Variants in ATP11A observed in about 807,000 individuals in gnomAD.
ATP11A encodes phospholipid-transporting ATPase IH.
A neutral mutation model predicts 154.4 loss-of-function variants in ATP11A; 81 were observed. The observed-to-expected ratio is 0.52, with a 90% CI of 0.44 to 0.63. ATP11A has a LOEUF of 0.63. Ranked by LOEUF, ATP11A falls within the 30% of genes least tolerant of loss-of-function variation. The pLI is 0.00. For synonymous variants in ATP11A, 623 were observed against 585.9 expected, an observed-to-expected ratio of 1.06 and a Z score of -0.91; for missense variants, 1,316 against 1,474.3, an observed-to-expected ratio of 0.89 and a Z score of 1.76.
At chr13:112,855,552 A>T (rs970709700) in intron 19 of ATP11A, among the ~76,000 whole-genome samples, 42 of 152,164 alleles carry the variant, frequency 2.8e-4, no homozygotes, top group African/African-American at 1.0e-3. Flanking sequence ...CCAGGCAGAA[A>T]CCCAAGGACT....
chr13:112,874,049 C>CA (rs2080635773), intron 27 of ATP11A, among the ~76,000 whole-genome samples: 1 of 152,324 alleles, frequency 6.6e-6, no homozygotes, highest in Non-Finnish European at 1.5e-5. Flanking sequence ...ACAGCAAGTC[C>CA]CAGCTGGTAA....
At position 112,880,615 on chromosome 13, in the gene ATP11A, C is replaced by T. The variant is rs956439768; in HGVS notation, c.*10-1261C>T. ...CGATGGGCCCCTCCTGAAGGACCTC[C>T]TACGGCGGCCAAGGCGCAGTTAGCT... On this transcript the variant is annotated intron_variant, in intron 29 of 29. Transcript: ENST00000375645. 4.6e-6 allele frequency: 6 copies of T among 1,298,498 alleles called. No homozygotes were observed. The South Asian group carries it at 7.4e-5, about 16-fold the overall frequency. 80.4% of individuals were successfully genotyped at this position (1,298,498 alleles called of 1,614,324 possible).
At chr13:112,721,793 A>G (rs928920085) in intron 1 of ATP11A, among the ~76,000 whole-genome samples, 1 of 152,204 alleles carries the variant, frequency 6.6e-6, no homozygotes. Context: ...GAGTGTTAAG[A>G]AAAAGGCTGT....
intron 4 of ATP11A, among the ~76,000 whole-genome samples, chr13:112,809,620 T>C (rs2078431007): frequency 6.6e-6 from 1 of 152,176 alleles, no homozygotes; most frequent in South Asian, 2.1e-4. Context: ...GTGTTGTGTG[T>C]GGCAGAGCTG....
At chr13:112,832,037 C>T (rs1231902731) in intron 13 of ATP11A, among the ~76,000 whole-genome samples, 1 of 152,170 alleles carries the variant, frequency 6.6e-6, no homozygotes, top group Admixed American at 6.5e-5. Context: ...CACTCTCACA[C>T]ACTCCCTGAC....
At chr13:112,731,202 C>T (rs1443079961) in intron 1 of ATP11A, among the ~76,000 whole-genome samples, 1 of 152,094 alleles carries the variant, frequency 6.6e-6, no homozygotes, top group African/African-American at 2.4e-5. Context: ...CCAAAATGCT[C>T]CAGTGATCCG....
At chr13:112,794,263 A>G (rs2077938847) in intron 2 of ATP11A, among the ~76,000 whole-genome samples, 1 of 152,192 alleles carries the variant, frequency 6.6e-6, no homozygotes, top group Admixed American at 6.5e-5. Flanking sequence ...TCCCCAGGCA[A>G]ATACTTACAT....
At chr13:112,862,283 A>G (rs2080132167) in intron 24 of ATP11A, among the ~76,000 whole-genome samples, 157 bp from the exon 25 acceptor site, 1 of 152,268 alleles carries the variant, frequency 6.6e-6, no homozygotes, top group Non-Finnish European at 1.5e-5. Flanking sequence ...TGTGATGAAC[A>G]TGCCACATTT....
chr13:112,811,173 C>CAT (rs1763097348), intron 5 of ATP11A, among the ~76,000 whole-genome samples: 1 of 149,000 alleles, frequency 6.7e-6, no homozygotes, highest in Admixed American at 6.7e-5. Context: ...CACACACACA[C>CAT]ACACACACAC....
At chr13:112,864,183 C>G (rs1212958878) in intron 25 of ATP11A, among the ~76,000 whole-genome samples, 1 of 119,292 alleles carries the variant, frequency 8.4e-6, no homozygotes, top group African/African-American at 3.0e-5. Context: ...TTCAGTGCAG[C>G]ACGTGCAGCT....
At chr13:112,829,934 C>T (rs1360502659) in intron 12 of ATP11A, among the ~76,000 whole-genome samples, 1 of 152,158 alleles carries the variant, frequency 6.6e-6, no homozygotes, top group East Asian at 1.9e-4. Context: ...CTTTAATAAA[C>T]TTGCTTAATA....
chr13:112,871,032 C>T (rs1426016420), intron 25 of ATP11A, among the ~76,000 whole-genome samples: 1 of 152,238 alleles, frequency 6.6e-6, no homozygotes, highest in Admixed American at 6.5e-5. Context: ...TGGTTCTGGC[C>T]GCACGCGGGG....
chr13:112,791,927 G>A (rs2077869896), intron 2 of ATP11A, among the ~76,000 whole-genome samples: 2 of 152,196 alleles, frequency 1.3e-5, no homozygotes, highest in Admixed American at 6.5e-5. Flanking sequence ...CGCACAGACC[G>A]GGGTCAACAG....
At chr13:112,781,119 A>G (rs1204123325) in intron 1 of ATP11A, among the ~76,000 whole-genome samples, 8 of 151,268 alleles carry the variant, frequency 5.3e-5, no homozygotes, top group Non-Finnish European at 1.0e-4. Context: ...TGTCACTGCA[A>G]CCTCCACCTC....
intron 1 of ATP11A, among the ~76,000 whole-genome samples, chr13:112,765,159 GC>G (rs375077253): frequency 0.1 from 6,761 of 66,538 alleles, 433 homozygotes; most frequent in African/African-American, 0.27. Context: ...CCTCCCCCCC[GC>G]CCCGGCTCTG....
At chr13:112,802,763 G>T (rs2140123245) in intron 2 of ATP11A, among the ~76,000 whole-genome samples, 2 of 152,268 alleles carry the variant, frequency 1.3e-5, no homozygotes, top group East Asian at 3.9e-4. Context: ...AAGGAAAATT[G>T]ATAAGTTGGA....
intron 8 of ATP11A, among the ~76,000 whole-genome samples, chr13:112,820,196 C>G (rs1211967137): frequency 6.6e-6 from 1 of 152,256 alleles, no homozygotes; most frequent in Non-Finnish European, 1.5e-5. Context: ...AGAGGGTCGT[C>G]TCACAGGCCA....
At position 112,819,348 on chromosome 13, in the gene ATP11A, G is replaced by T. The variant is rs766390550; in HGVS notation, c.615G>T (p.Glu205Asp). ...VQDTKGFHTE[E>D]DIGGLHATIE... is the part of the protein sequence containing the mutation. ...ACACCAAAGGCTTCCACACAGAGGA[G>T]GATATCGGCGGACTTCACGCCACCA... is the stretch of plus-strand genomic sequence containing the variant. Residue 205 changes from glutamate (E) to aspartate (D), a missense_variant, in exon 7 of 30, where the codon GAG becomes GAT. Around this residue, in one of 5 missense-constraint regions of ATP11A, gnomAD observed 876 missense variants for 1,006.8 expected, o/e 0.87. Transcript: ENST00000375645. 4 of 1,614,098 alleles carry T rather than the reference G, an allele frequency of 2.5e-6. 1 individual carries two copies. The East Asian group carries it at 8.9e-5, about 36-fold the overall frequency.
chr13:112,714,321 G>A (rs1268012619), intron 1 of ATP11A, among the ~76,000 whole-genome samples: 1 of 152,026 alleles, frequency 6.6e-6, no homozygotes. Context: ...CTCCTGGTCT[G>A]GGGTGTTCCG....
Sources: gnomAD v4.1 joint callset for allele counts (sites outside exome capture counted in the v4.1 genomes callset) on GRCh38, gnomAD v4.1.1 for gene constraint, gnomAD v4.1.1 regional missense constraint, MANE v1.5 for transcripts, NCBI Gene and HGNC (gene_info 2026-07-23, HGNC 2026-07-21) for gene names.